MTHFD2L: variants seen among roughly 807,000 people sequenced by gnomAD.
MTHFD2L encodes bifunctional methylenetetrahydrofolate dehydrogenase/cyclohydrolase 2, mitochondrial.
MTHFD2L carries 29 observed loss-of-function variants against 34.9 expected under a neutral mutation model. That is an observed-to-expected ratio of 0.83 (90% confidence interval 0.62 to 1.13). The LOEUF (loss-of-function observed/expected upper bound fraction) is 1.13. Among genes scored for constraint, MTHFD2L ranks in the 50% most tolerant of loss-of-function variants. MTHFD2L has a pLI of 0.00. For missense variants in MTHFD2L, 481 were observed against 446.5 expected (o/e 1.08, Z -0.70); for synonymous variants, 167 against 155.7 (o/e 1.07, Z -0.54).
intron 2 of MTHFD2L, among the ~76,000 whole-genome samples, chr4:74,115,796 C>T (rs143123051): frequency 3.9e-5 from 6 of 152,130 alleles, no homozygotes; most frequent in South Asian, 2.1e-4. Flanking sequence ...TAGCTATTAT[C>T]GATAGCTGAA....
chr4:74,245,970 T>G (rs941576194), intron 6 of MTHFD2L, among the ~76,000 whole-genome samples: 1 of 148,938 alleles, frequency 6.7e-6, no homozygotes, highest in Admixed American at 6.7e-5. Flanking sequence ...CAGCATGATT[T>G]ATAGTCCTTT....
chr4:74,272,949 A>T (rs61119489), intron 6 of MTHFD2L, among the ~76,000 whole-genome samples: 6,462 of 152,190 alleles, frequency 0.042, 444 homozygotes, highest in African/African-American at 0.14. Context: ...TTTACAGGAA[A>T]GATTTGGGGG....
At chr4:74,119,140 C>T (rs567535558), upstream of MTHFD2L, among the ~76,000 whole-genome samples, 8 of 151,868 alleles carry the variant, frequency 5.3e-5, no homozygotes, top group African/African-American at 1.5e-4. Context: ...GTGGCAAGTG[C>T]GTTGATGTAC....
chr4:74,244,597 A>G (rs1235899998), intron 6 of MTHFD2L, among the ~76,000 whole-genome samples: 1 of 152,244 alleles, frequency 6.6e-6, no homozygotes, highest in East Asian at 1.9e-4. Context: ...AATGTGGAAT[A>G]TCCACAAAAC....
chr4:74,181,699 A>C (rs147724113), intron 3 of MTHFD2L: 1 of 152,292 alleles, frequency 6.6e-6, no homozygotes, highest in East Asian at 1.9e-4. Context: ...TCTAGTTTGA[A>C]GCCTTTGAGG....
At chr4:74,255,078 T>C (rs1743832542) in intron 6 of MTHFD2L, among the ~76,000 whole-genome samples, 1 of 128,758 alleles carries the variant, frequency 7.8e-6, no homozygotes, top group Non-Finnish European at 1.5e-5. Context: ...GAGGTTACAG[T>C]GAGCTGAGAT....
chr4:74,191,837 A>G (rs1357411081), intron 3 of MTHFD2L, among the ~76,000 whole-genome samples: 1 of 152,062 alleles, frequency 6.6e-6, no homozygotes, highest in Non-Finnish European at 1.5e-5. Flanking sequence ...GATTACAGGC[A>G]TGAGCCACCG....
intron 6 of MTHFD2L, among the ~76,000 whole-genome samples, chr4:74,266,082 C>T (rs764627615): frequency 3.3e-4 from 50 of 152,286 alleles, no homozygotes; most frequent in Non-Finnish European, 6.5e-4. Flanking sequence ...TGTATCTGTA[C>T]ACATCCATTA....
At chr4:74,196,771 C>T (rs537859) in intron 3 of MTHFD2L, among the ~76,000 whole-genome samples, 9,633 of 151,802 alleles carry the variant, frequency 0.063, 924 homozygotes, top group African/African-American at 0.21. Flanking sequence ...TATGGTGAAA[C>T]CCCATCTGTA....
chr4:74,240,720 G>A lies in MTHFD2L; in HGVS notation c.805+15326G>A, dbSNP rs984431569. 2.0e-5 allele frequency among the ~76,000 whole-genome samples: 3 copies of A among 152,026 alleles called. No homozygotes were observed. In the East Asian group the frequency reaches 5.8e-4, roughly 29 times the overall value. The stretch of plus-strand genomic sequence containing the variant: ...ATTCTCTAAATGAATTTTCTAAAAT[G>A]TATTGATTTCATATTATAAAGCAAA... On this transcript the variant is annotated intron_variant, in intron 6 of 7. Transcript: ENST00000325278.
At chr4:74,292,744 G>A (rs915970587) in intron 7 of MTHFD2L, among the ~76,000 whole-genome samples, 1 of 152,256 alleles carries the variant, frequency 6.6e-6, no homozygotes. Flanking sequence ...ATGGAATCTG[G>A]CAATGACAGC....
chr4:74,145,233 G>GA (rs1467005684), intron 1 of MTHFD2L, among the ~76,000 whole-genome samples: 1 of 150,440 alleles, frequency 6.6e-6, no homozygotes, highest in East Asian at 1.9e-4. Flanking sequence ...ACTAGGGGTT[G>GA]AAAATATTTT....
chr4:74,246,861 A>G (rs953806437), intron 6 of MTHFD2L, among the ~76,000 whole-genome samples: 21 of 152,182 alleles, frequency 1.4e-4, no homozygotes, highest in African/African-American at 4.8e-4. Context: ...TACCAGTAAC[A>G]TGCTGTTTTG....
intron 1 of MTHFD2L, among the ~76,000 whole-genome samples, chr4:74,137,301 A>C (rs1213775945): frequency 1.3e-5 from 2 of 152,224 alleles, no homozygotes; most frequent in African/African-American, 4.8e-5. Flanking sequence ...AAAAATGGAC[A>C]ACATGTCTGA....
intron 1 of MTHFD2L, among the ~76,000 whole-genome samples, chr4:74,136,078 A>G (rs1410988833): frequency 2.0e-5 from 3 of 152,060 alleles, no homozygotes; most frequent in Admixed American, 1.3e-4. Flanking sequence ...CAAGATAAGA[A>G]TGCCCACTTT....
intron 3 of MTHFD2L, chr4:74,180,651 T>TG (rs1560455169): frequency 2.2e-6 from 1 of 447,650 alleles, no homozygotes; most frequent in East Asian, 7.0e-5. Flanking sequence ...TTAATGGTAC[T>TG]GGGACTGTCA....
At chr4:74,186,338 A>G (rs552043024) in intron 3 of MTHFD2L, among the ~76,000 whole-genome samples, 1 of 151,194 alleles carries the variant, frequency 6.6e-6, no homozygotes, top group East Asian at 2.0e-4. Flanking sequence ...GTCCACTATT[A>G]CCATGTCTAT....
chr4:74,257,028 T>C (rs1744111121), intron 6 of MTHFD2L, among the ~76,000 whole-genome samples: 2 of 152,218 alleles, frequency 1.3e-5, no homozygotes, highest in Non-Finnish European at 2.9e-5. Context: ...GGAATAGCAA[T>C]GAATCTGTAG....
At chr4:74,266,548 A>G (rs946312653) in intron 6 of MTHFD2L, among the ~76,000 whole-genome samples, 2 of 152,152 alleles carry the variant, frequency 1.3e-5, no homozygotes, top group African/African-American at 4.8e-5. Context: ...GGATTTTGCC[A>G]GTTCTCCAAG....
Sources: allele counts gnomAD v4.1 joint callset (sites outside exome capture counted in the v4.1 genomes callset), GRCh38; gene constraint gnomAD v4.1.1; transcripts MANE v1.5; gene names NCBI Gene and HGNC (gene_info 2026-07-23, HGNC 2026-07-21).